Variants in KDM6A observed in about 807,000 individuals in gnomAD.
KDM6A encodes the protein lysine demethylase 6A.
A neutral mutation model predicts 117.6 loss-of-function variants in KDM6A; 11 were observed. The ratio of observed to expected loss-of-function variants is 0.09; its 90% CI spans 0.06 to 0.15. The LOEUF (loss-of-function observed/expected upper bound fraction) is 0.15. Among genes scored for constraint, KDM6A ranks in the 10% least tolerant of loss-of-function variants. The pLI is 1.00. For missense variants in KDM6A, 799 were observed against 1,077.3 expected, an observed-to-expected ratio of 0.74 and a Z score of 3.62; for synonymous variants, 384 against 396.1, an observed-to-expected ratio of 0.97 and a Z score of 0.36.
At chrX:45,086,534 C>T (rs902482450) in intron 25 of KDM6A, among the ~76,000 whole-genome samples, 1 of 111,519 alleles carries the variant, frequency 9.0e-6, no homozygotes, top group Non-Finnish European at 1.9e-5. Flanking sequence ...TGAGCTCAGG[C>T]GATCCACCTG....
intron 8 of KDM6A, among the ~76,000 whole-genome samples, chrX:45,048,173 A>C (rs891841363): frequency 9.2e-6 from 1 of 108,163 alleles, no homozygotes; most frequent in Admixed American, 1.0e-4. Flanking sequence ...AAAAAAAAAA[A>C]AAAAAAACTA....
intron 6 of KDM6A, among the ~76,000 whole-genome samples, chrX:45,033,609 A>G (rs1318756066): frequency 9.1e-6 from 1 of 110,207 alleles, no homozygotes; most frequent in Non-Finnish European, 1.9e-5. Context: ...GTTGGAGTGG[A>G]GTGGCACACT....
chrX:44,979,985 C>CT (rs1315179319), intron 4 of KDM6A, among the ~76,000 whole-genome samples: 1 of 91,378 alleles, frequency 1.1e-5, no homozygotes, highest in Non-Finnish European at 2.1e-5. Flanking sequence ...TTATTTTTTT[C>CT]TTTCTTTCTT....
intron 8 of KDM6A, among the ~76,000 whole-genome samples, chrX:45,043,092 C>G (rs766836924): frequency 9.0e-6 from 1 of 111,482 alleles, no homozygotes; most frequent in East Asian, 2.8e-4. Context: ...GAGTTCCAGA[C>G]CAGCCTGGGC....
intron 2 of KDM6A, 101 bp downstream of exon 2, chrX:44,874,088 C>T (rs779833375): frequency 3.8e-6 from 3 of 790,773 alleles, no homozygotes; most frequent in African/African-American, 2.0e-5. Flanking sequence ...TGGCCACGGA[C>T]GATGGTCGAG....
At chrX:45,028,871 C>T (rs1254377506) in intron 6 of KDM6A, among the ~76,000 whole-genome samples, 2 of 112,086 alleles carry the variant, frequency 1.8e-5, no homozygotes, top group Non-Finnish European at 3.8e-5. Context: ...TAAAAGTGGC[C>T]GAAATACTTC....
At chrX:45,050,009 G>A (rs2043762532) in intron 8 of KDM6A, among the ~76,000 whole-genome samples, 2 of 112,508 alleles carry the variant, frequency 1.8e-5, no homozygotes, top group African/African-American at 6.5e-5. Flanking sequence ...GAGTGTTTTG[G>A]GGGAACTAGT....
chrX:44,892,455 G>A (rs1034758376), intron 2 of KDM6A, among the ~76,000 whole-genome samples: 43 of 111,019 alleles, frequency 3.9e-4, no homozygotes, highest in Middle Eastern at 4.6e-3. Context: ...TTGGGAGGCC[G>A]AGGTGGGTGG....
rs201347477 is a variant in KDM6A, at chrX:45,109,180, T to TAA, written c.4162-888_4162-887dup. 1.3e-4 allele frequency among the ~76,000 whole-genome samples: 13 copies of TAA among 100,193 alleles called. No individual in the cohort carries two copies. In the East Asian group the frequency reaches 2.5e-3, roughly 19 times the overall value. The allele number at this position is 100,193 out of a possible 115,157, so 87.0% of individuals were successfully genotyped here. A position where few individuals can be genotyped will look rare whatever the true frequency, so the allele number is the denominator to read the frequency against. The stretch of plus-strand genomic sequence containing the variant: ...AATAAATAAATAAATAAAGTACCTG[T>TAA]AAAAAAAAAAAAGTTATTTTAAGGC... On this transcript the variant is annotated intron_variant, in intron 28 of 29. Transcript: ENST00000611820.
intron 17 of KDM6A, among the ~76,000 whole-genome samples, chrX:45,066,525 G>A (rs1377108142): frequency 8.9e-6 from 1 of 111,736 alleles, no homozygotes; most frequent in Non-Finnish European, 1.9e-5. Flanking sequence ...TGGGTGAGAG[G>A]ATGGGATTTT....
chrX:44,886,937 C>CTT (rs757868291), intron 2 of KDM6A, among the ~76,000 whole-genome samples: 5 of 97,064 alleles, frequency 5.2e-5, no homozygotes, highest in African/African-American at 3.8e-5. Flanking sequence ...AGATGAATAT[C>CTT]TTTTTTTTTT....
chrX:44,899,680 TCTG>T (rs1250956080), intron 2 of KDM6A, among the ~76,000 whole-genome samples: 1 of 111,151 alleles, frequency 9.0e-6, no homozygotes, highest in Non-Finnish European at 1.9e-5. Flanking sequence ...CTTTAGGAAA[TCTG>T]CTGCTTTCTT....
chrX:45,031,742 A>G (rs1352533307), intron 6 of KDM6A, among the ~76,000 whole-genome samples: 1 of 112,098 alleles, frequency 8.9e-6, no homozygotes, highest in Admixed American at 9.5e-5. Flanking sequence ...AGGTAATCAG[A>G]CTATATACAG....
At chrX:44,896,635 T>C (rs1391801742) in intron 2 of KDM6A, among the ~76,000 whole-genome samples, 1 of 107,934 alleles carries the variant, frequency 9.3e-6, no homozygotes, top group Non-Finnish European at 1.9e-5. Context: ...TTTTTTTTTT[T>C]TTTTTCAGAC....
In KDM6A at chrX:44,975,763, C is replaced by CT. The variant is rs2084987303; in HGVS notation, c.384+1049dup. 3.6e-5 allele frequency among the ~76,000 whole-genome samples: 4 copies of CT among 111,903 alleles called. No homozygotes were observed. In the South Asian group the frequency reaches 1.5e-3, roughly 41 times the overall value. On this transcript the variant is annotated intron_variant, in intron 4 of 29. Transcript: ENST00000611820. The stretch of plus-strand genomic sequence containing the variant: ...GGTCTAGACAGATAGGGAAGGGTCC[C>CT]TGGAGAATCACTGATCCACCCAGCC...
rs1358543221 is a variant in KDM6A, at chrX:45,016,455, A to C, written c.444-4155A>C. ...CTTAAAGTTTTATTGATTTTATTTT[A>C]TGTATGTATGTATGTATGTATGTAT... On this transcript the variant is annotated intron_variant, in intron 5 of 29. Coordinates refer to ENST00000611820, the MANE Select transcript of KDM6A (RefSeq NM_001291415.2). 4.5e-5 allele frequency among the ~76,000 whole-genome samples: 3 copies of C among 66,326 alleles called. No individual in the cohort carries two copies. In the East Asian group the frequency reaches 1.1e-3, roughly 23 times the overall value. The allele number at this position is 66,326 out of a possible 115,157, so 57.6% of individuals were successfully genotyped here. A position where few individuals can be genotyped will look rare whatever the true frequency, so the allele number is the denominator to read the frequency against.
chrX:45,009,811 G>A (rs775734244), intron 4 of KDM6A, among the ~76,000 whole-genome samples: 3 of 111,325 alleles, frequency 2.7e-5, no homozygotes, highest in Non-Finnish European at 1.9e-5. Flanking sequence ...GTCATAATCA[G>A]CTCCATAATG....
intron 4 of KDM6A, among the ~76,000 whole-genome samples, chrX:44,987,068 G>A: frequency 9.0e-6 from 1 of 111,370 alleles, no homozygotes; most frequent in Non-Finnish European, 1.9e-5. Context: ...AGGTCTCTAA[G>A]GACTTGCTTT....
At position 45,051,750 on chromosome X, in the gene KDM6A, G is replaced by A. The variant is rs777629156; in HGVS notation, c.696G>A (p.Leu232=). 1.0e-5 allele frequency: 12 copies of A among 1,190,920 alleles called. No individual in the cohort carries two copies. Among genetic ancestry groups the A allele is most frequent in the Middle Eastern group, 2.8e-4 (1 of 3,604 alleles). The change falls in exon 9 of 30, where the codon TTG becomes TTA. Residue 232 remains leucine (L), a synonymous_variant. Coordinates refer to ENST00000611820, the MANE Select transcript of KDM6A (RefSeq NM_001291415.2). The part of the protein sequence containing the change: ...HSAKEAYEQL[L]QTENLSAQVK... The stretch of plus-strand genomic sequence containing the variant: ...CAAAAGAAGCTTATGAACAACTTTT[G>A]CAGACAGAGAATCTTTCTGCACAAG...
Sources: gnomAD v4.1 joint callset for allele counts (sites outside exome capture counted in the v4.1 genomes callset) on GRCh38, gnomAD v4.1.1 for gene constraint, MANE v1.5 for transcripts, NCBI Gene and HGNC (gene_info 2026-07-23, HGNC 2026-07-21) for gene names.